FAM131B: variants seen among roughly 807,000 people sequenced by gnomAD.
The protein encoded by FAM131B is family with sequence similarity 131 member B.
Under a neutral mutation model 42.0 loss-of-function variants are expected in FAM131B, and 19 were observed. That is an observed-to-expected ratio of 0.45 (90% CI 0.32 to 0.66). The LOEUF (loss-of-function observed/expected upper bound fraction) is 0.66. Ranked by LOEUF, FAM131B falls within the 30% of genes least tolerant of loss-of-function variation. The pLI, the probability that FAM131B is intolerant of heterozygous loss-of-function variation, is 0.05. For missense variants in FAM131B, 370 were observed against 468.4 expected (o/e 0.79, Z 1.94); for synonymous variants, 183 against 177.6 (o/e 1.03, Z -0.24).
the FAM131B span, among the ~76,000 whole-genome samples, chr7:143,378,604 CA>C: frequency 2.7e-5 from 4 of 145,940 alleles, no homozygotes; most frequent in Non-Finnish European, 6.0e-5. Flanking sequence ...GATGGAGTCT[CA>C]CTCTGTTGCC....
At chr7:143,382,190 G>A in the FAM131B span, 2 of 1,438,238 alleles carry the variant, frequency 1.4e-6, no homozygotes, top group South Asian at 2.4e-5. Context: ...TTAACTGAGG[G>A]GAGCTTGGGT....
chr7:143,363,533 T>C (rs970265608), upstream of FAM131B, among the ~76,000 whole-genome samples: 38 of 152,228 alleles, frequency 2.5e-4, no homozygotes, highest in Middle Eastern at 6.8e-3. Context: ...GAGAGAAAGA[T>C]TGGCCTCTGG....
Position 143,360,077 on chromosome 7 carries a change from G to C in FAM131B, c.101C>G (p.Ser34Ter). ...VDQINMDSTS[S>*]LHGSSLHRPS... ...CCGATGGAGGCTGCTCCCGTGCAGT[G>C]AGCTGGTGCTGTCCATGTTGATTTG... The change falls in exon 2 of 7, where the codon TCA becomes TGA. Residue 34 changes from serine to a stop codon, truncating the protein, a stop_gained. Transcript: ENST00000443739. LOFTEE classifies it high-confidence loss of function. The C allele has an allele frequency of 6.2e-7, 1 of 1,613,994 alleles. No individual in the cohort carries two copies. Among genetic ancestry groups the C allele is most frequent in the Non-Finnish European group, 8.5e-7 (1 of 1,179,942 alleles).
chr7:143,377,760 C>T, the FAM131B span, among the ~76,000 whole-genome samples: 1 of 152,178 alleles, frequency 6.6e-6, no homozygotes, highest in African/African-American at 2.4e-5. Flanking sequence ...GTCACCCAGG[C>T]TGGTATGCAG....
At chr7:143,370,170 T>C in the FAM131B span, among the ~76,000 whole-genome samples, 1 of 152,324 alleles carries the variant, frequency 6.6e-6, no homozygotes, top group South Asian at 2.1e-4. Context: ...AGCAATGTCT[T>C]CCTTCTAAGG....
the FAM131B span, chr7:143,381,897 T>C: frequency 9.6e-7 from 1 of 1,037,122 alleles, no homozygotes; most frequent in Non-Finnish European, 1.4e-6. Context: ...GCAGCCACCC[T>C]GTCCCGAGCA....
At chr7:143,371,044 C>T in the FAM131B span, among the ~76,000 whole-genome samples, 12 of 152,252 alleles carry the variant, frequency 7.9e-5, no homozygotes, top group East Asian at 1.2e-3. Flanking sequence ...CTTGACTTTC[C>T]GGCTGCTCCT....
rs1277380173 is a variant in FAM131B at position 143,356,805 on chromosome 7, C to G, written c.828G>C (p.Glu276Asp). Reference protein sequence around the residue: ...SQPASGYSALEPPPLLGGDTD... With the variant: ...SQPASGYSALDPPPLLGGDTD... ...TGTCTCCCCCCAGCAAAGGTGGAGGCTCCAGAGCAGAGTATCCTGAAGCTG... is the reference window on the plus strand; with the variant it reads ...TGTCTCCCCCCAGCAAAGGTGGAGGGTCCAGAGCAGAGTATCCTGAAGCTG... Residue 276 changes from glutamate to aspartate, a missense_variant, in exon 7 of 7, where the codon GAG (glutamate) becomes GAC (aspartate). Coordinates refer to ENST00000443739, the MANE Select transcript of FAM131B (RefSeq NM_001031690.3). The surrounding 1 kb of genome is among the most constrained non-coding windows in gnomAD (Gnocchi z 4.4). The G allele has an allele frequency of 6.2e-7, 1 of 1,614,154 alleles. No individual in the cohort carries two copies. Among genetic ancestry groups the G allele is most frequent in the Admixed American group, 1.7e-5 (1 of 60,020 alleles).
At chr7:143,380,666 A>G in the FAM131B span, 2 of 985,186 alleles carry the variant, frequency 2.0e-6, no homozygotes, top group Non-Finnish European at 2.4e-6. This position sits in a 1 kb window ranked among gnomAD's most constrained non-coding sequence, Gnocchi z 5.0. Context: ...GAGGCTGCCC[A>G]GCGTTGGAAG....
chr7:143,366,560 T>TTTA, upstream of FAM131B, among the ~76,000 whole-genome samples: 1 of 83,072 alleles, frequency 1.2e-5, no homozygotes, highest in Non-Finnish European at 2.8e-5. Context: ...GTCTGTATTC[T>TTTA]TTTTTTTTTT....
chr7:143,381,314 C>G, the FAM131B span: 2 of 1,118,688 alleles, frequency 1.8e-6, no homozygotes, highest in Non-Finnish European at 1.1e-6. Context: ...TGTCCCTCCC[C>G]GCCCGGCTGG....
the FAM131B span, among the ~76,000 whole-genome samples, chr7:143,370,596 C>T: frequency 6.6e-6 from 1 of 152,226 alleles, no homozygotes; most frequent in African/African-American, 2.4e-5. Context: ...CTCTGGTCTT[C>T]ACTGCTACCC....
At chr7:143,380,057 A>T in the FAM131B span, 1 of 985,080 alleles carries the variant, frequency 1.0e-6, no homozygotes, top group Non-Finnish European at 1.2e-6. The surrounding 1 kb of genome is among the most constrained non-coding windows in gnomAD (Gnocchi z 5.0). Flanking sequence ...CCGGATTTGG[A>T]GGGACTGGAC....
chr7:143,358,287 G>T lies in FAM131B; in HGVS notation c.466+540C>A, dbSNP rs1303097502. On this transcript the variant is annotated intron_variant, in intron 5 of 6. Coordinates refer to ENST00000443739, the MANE Select transcript of FAM131B (RefSeq NM_001031690.3). The surrounding 1 kb of genome is among the most constrained non-coding windows in gnomAD (Gnocchi z 4.7). The stretch of plus-strand genomic sequence containing the variant: ...CTTTCTAGGCATCTTATTTAGACCT[G>T]CACTACAGCTTGGCCACTCTTGTAG... Among the ~76,000 whole-genome samples the T allele has an allele frequency of 1.3e-5, 2 of 152,102 alleles. No homozygotes were observed. The highest frequency in any genetic ancestry group is 4.8e-5 in the African/African-American group (2 of 41,392).
At position 143,358,715 on chromosome 7, in the gene FAM131B, A is replaced by T. The variant is rs1191624170; in HGVS notation, c.466+112T>A. ...TACTTAGAGCTGTTTGGGAAATGTG[A>T]ATCTACGGTCAAAGTATGGATGGAG... On this transcript the variant is annotated intron_variant, in intron 5 of 6. Coordinates refer to ENST00000443739, the MANE Select transcript of FAM131B (RefSeq NM_001031690.3). This position sits in a 1 kb window ranked among gnomAD's most constrained non-coding sequence, Gnocchi z 4.7. The T allele has an allele frequency of 1.3e-6, 1 of 772,266 alleles. No homozygotes were observed. The highest frequency in any genetic ancestry group is 2.7e-5 in the East Asian group (1 of 37,240). The allele number at this position is 772,266 out of a possible 1,614,324, so 47.8% of individuals were successfully genotyped here.
At chr7:143,381,479 G>T in the FAM131B span, 1 of 1,390,630 alleles carries the variant, frequency 7.2e-7, no homozygotes. Flanking sequence ...GGGCGAGTGG[G>T]GGTCACCAAG....
chr7:143,366,336 G>C (rs1804182039), upstream of FAM131B, among the ~76,000 whole-genome samples: 1 of 152,116 alleles, frequency 6.6e-6, no homozygotes, highest in Admixed American at 6.5e-5. Context: ...AAATACTGAT[G>C]ATAAGTGTCT....
At chr7:143,361,061 C>CTT (rs1461843540) in intron 1 of FAM131B, 1 of 152,086 alleles carries the variant, frequency 6.6e-6, no homozygotes, top group Non-Finnish European at 1.5e-5. Flanking sequence ...CGTACAGGCC[C>CTT]TTTATACTCA....
At chr7:143,374,100 A>C in the FAM131B span, among the ~76,000 whole-genome samples, 2 of 152,148 alleles carry the variant, frequency 1.3e-5, no homozygotes, top group South Asian at 4.1e-4. Context: ...TTTTCAGCCA[A>C]TAATGGCTTC....
Sources: gnomAD v4.1 joint callset for allele counts (sites outside exome capture counted in the v4.1 genomes callset) on GRCh38, gnomAD v4.1.1 for gene constraint, Gnocchi (gnomAD v3.1) non-coding constraint, MANE v1.5 for transcripts, NCBI Gene and HGNC (gene_info 2026-07-23, HGNC 2026-07-21) for gene names.